Variants in TMPRSS4 observed in about 807,000 individuals in gnomAD.
The protein encoded by TMPRSS4 is transmembrane serine protease 4, also known as transmembrane protease serine 4.
A neutral mutation model predicts 56.4 loss-of-function variants in TMPRSS4; 45 were observed. That is an observed-to-expected ratio of 0.80 (90% confidence interval 0.63 to 1.02). The LOEUF is 1.02. TMPRSS4 is among the 50% of genes least tolerant of loss of function. The probability of loss-of-function intolerance (pLI) is 0.00; values close to 1 mark genes in which losing one functional copy is unlikely to be tolerated. For missense variants in TMPRSS4, 546 were observed against 556.7 expected (o/e 0.98, Z 0.19); for synonymous variants, 205 against 211.0 (o/e 0.97, Z 0.25).
rs781111495 is a variant in TMPRSS4 at position 118,104,777 on chromosome 11, G to C, written c.397G>C (p.Glu133Gln). ...WFSACFDNFT[E>Q]ALAETACRQM... ...CTCTGCCTGTTTCGACAACTTCACA[G>C]AAGCTCTCGCTGAGACAGCCTGTAG... Residue 133 changes from glutamate (E) to glutamine (Q), a missense_variant, in exon 5 of 13, where the codon GAA (glutamate) becomes CAA (glutamine). Transcript: ENST00000437212. 6.2e-7 allele frequency: 1 copy of C among 1,613,614 alleles called. No homozygotes were observed. The highest frequency in any genetic ancestry group is 8.5e-7 in the Non-Finnish European group (1 of 1,179,838).
At chr11:118,078,013 C>CAAAAAAAAAA (rs148383275) in intron 1 of TMPRSS4, among the ~76,000 whole-genome samples, 14 of 71,036 alleles carry the variant, frequency 2.0e-4, no homozygotes, top group African/African-American at 5.5e-4. Flanking sequence ...AACTCCGTCT[C>CAAAAAAAAAA]AAAAAAAAAA....
chr11:118,103,539 G>C (rs542951320), intron 4 of TMPRSS4, among the ~76,000 whole-genome samples: 1 of 152,068 alleles, frequency 6.6e-6, no homozygotes, highest in African/African-American at 2.4e-5. Flanking sequence ...CAGCCACCAC[G>C]CCTGGCTAAT....
In TMPRSS4 at chr11:118,104,758, C is replaced by G; in HGVS notation, c.378C>G (p.Ala126=). The G allele has an allele frequency of 6.2e-7, 1 of 1,614,146 alleles. No individual in the cohort carries two copies. ...LDSATGNWFS[A]CFDNFTEALA... ...CGGCCACAGGGAACTGGTTCTCTGC[C>G]TGTTTCGACAACTTCACAGAAGCTC... is the stretch of plus-strand genomic sequence containing the variant. Residue 126 remains alanine (A), a synonymous_variant, in exon 5 of 13, where the codon GCC becomes GCG. Coordinates refer to ENST00000437212, the MANE Select transcript of TMPRSS4 (RefSeq NM_019894.4).
At chr11:118,103,388 G>GTTTGTTTGTTTA (rs1946829257) in intron 4 of TMPRSS4, 135 bp downstream of exon 4, 1 of 1,132,352 alleles carries the variant, frequency 8.8e-7, no homozygotes, top group Admixed American at 2.9e-5. Context: ...TTGTTTGTTT[G>GTTTGTTTGTTTA]TTTGTTGTTG....
chr11:118,086,635 T>G (rs1945578674), intron 1 of TMPRSS4: 1 of 152,824 alleles, frequency 6.5e-6, no homozygotes, highest in Admixed American at 6.5e-5. Flanking sequence ...ATCAGTCATC[T>G]CTGAGGACCT....
In TMPRSS4 at chr11:118,120,666, A is replaced by C. The variant is rs12222838; in HGVS notation, c.*2753A>C. 6.6e-6 allele frequency: 1 copy of C among 152,196 alleles called. No individual in the cohort carries two copies. The highest frequency in any genetic ancestry group is 1.5e-5 in the Non-Finnish European group (1 of 68,050). 9.4% of individuals were successfully genotyped at this position (152,196 alleles called of 1,614,324 possible). On this transcript the variant is annotated 3_prime_UTR_variant, in exon 13 of 13. Coordinates refer to ENST00000437212, the MANE Select transcript of TMPRSS4 (RefSeq NM_019894.4). ...AATGAACTGGAAGATAAATTGAAGA[A>C]GTGACTAGGCTTAACAGCAGAGAGA...
At position 118,077,146 on chromosome 11, in the gene TMPRSS4, A is replaced by T. The variant is rs1234842813; in HGVS notation, c.-157A>T. ...CAAGGATGCTGGGCGTGAGGGACCA[A>T]GGCCTGCCCTGCACTCGGGCCTCCT... On this transcript the variant is annotated 5_prime_UTR_variant, in exon 1 of 13. In the 5' UTR this introduces an upstream ATG that the reference lacks. Coordinates refer to ENST00000437212, the MANE Select transcript of TMPRSS4 (RefSeq NM_019894.4). 6 of 773,414 alleles carry T rather than the reference A, an allele frequency of 7.8e-6. No homozygotes were observed. Among genetic ancestry groups the T allele is most frequent in the Non-Finnish European group, 1.2e-5 (6 of 495,088 alleles). 47.9% of individuals were successfully genotyped at this position (773,414 alleles called of 1,614,324 possible).
rs777965921 is a variant in TMPRSS4 at position 118,113,279 on chromosome 11, G to A, written c.754G>A (p.Asp252Asn). The A allele has an allele frequency of 6.2e-6, 10 of 1,613,784 alleles. No homozygotes were observed. Among genetic ancestry groups the A allele is most frequent in the East Asian group, 2.2e-5 (1 of 44,854 alleles). Residue 252 changes from aspartate (D) to asparagine (N), a missense_variant, in exon 9 of 13, where the codon GAT becomes AAT. Physicochemically the swap from Asp to Asn is conservative, Grantham distance 23. Transcript: ENST00000437212. ...TGTCTCTACCCCCAGGAAACATACC[G>A]ATGTGTTCAACTGGAAGGTGCGGGC... Reference protein sequence around the residue: ...TAAHCFRKHTDVFNWKVRAGS... With the variant: ...TAAHCFRKHTNVFNWKVRAGS...
rs767923064 is a variant in TMPRSS4, at chr11:118,107,923, G to A, written c.542+48G>A. 5.2e-6 allele frequency: 8 copies of A among 1,537,188 alleles called. No individual in the cohort carries two copies. In the East Asian group the frequency reaches 6.9e-5, roughly 13 times the overall value. Reference sequence around the variant, plus strand: ...GCCTACAGAAGGCCCCCACATGGACGCTGCTCTTCAGGTTGCAACCAGCTC... The same window carrying A: ...GCCTACAGAAGGCCCCCACATGGACACTGCTCTTCAGGTTGCAACCAGCTC... On this transcript the variant is annotated intron_variant, in intron 6 of 12. Transcript: ENST00000437212.
intron 9 of TMPRSS4, among the ~76,000 whole-genome samples, chr11:118,114,158 A>G (rs1277258448): frequency 6.6e-6 from 1 of 152,210 alleles, no homozygotes; most frequent in Non-Finnish European, 1.5e-5. Context: ...TTAGCATCCC[A>G]TAGAACAAGT....
chr11:118,122,284 C>T (rs753125459), downstream of TMPRSS4, among the ~76,000 whole-genome samples: 3 of 152,094 alleles, frequency 2.0e-5, no homozygotes, highest in Non-Finnish European at 4.4e-5. Context: ...TTGTAACAGA[C>T]ATACACAAAA....
At chr11:118,082,270 T>C (rs1945192405) in intron 1 of TMPRSS4, among the ~76,000 whole-genome samples, 3 of 152,126 alleles carry the variant, frequency 2.0e-5, no homozygotes, top group Admixed American at 2.0e-4. Flanking sequence ...GATGAAGAAA[T>C]TGAGGCTCAG....
chr11:118,111,169 A>T (rs888098084), intron 7 of TMPRSS4, among the ~76,000 whole-genome samples: 2 of 152,140 alleles, frequency 1.3e-5, no homozygotes, highest in African/African-American at 2.4e-5. Context: ...AAGGCAGAGC[A>T]TGGGTGGAGA....
intron 1 of TMPRSS4, among the ~76,000 whole-genome samples, chr11:118,087,275 A>G (rs1325988522): frequency 3.3e-5 from 5 of 152,124 alleles, no homozygotes; most frequent in Admixed American, 3.3e-4. Context: ...AGTCAATGCC[A>G]AGTCAGCATT....
intron 3 of TMPRSS4, among the ~76,000 whole-genome samples, chr11:118,102,608 C>T (rs1019609864): frequency 5.3e-5 from 8 of 152,156 alleles, no homozygotes; most frequent in African/African-American, 1.9e-4. Flanking sequence ...ACTCAGGAGG[C>T]TGAGGCAGGA....
chr11:118,116,731 T>TTTTTA, intron 11 of TMPRSS4, among the ~76,000 whole-genome samples: 1 of 150,576 alleles, frequency 6.6e-6, no homozygotes. Context: ...TTTTTTTTTT[T>TTTTTA]GAGACTGAGT....
chr11:118,115,113 A>G (rs769371911), intron 10 of TMPRSS4, 25 bp from the exon 11 acceptor site: 68 of 1,604,240 alleles, frequency 4.2e-5, no homozygotes, highest in Non-Finnish European at 5.4e-5. Flanking sequence ...CAAGGATGGG[A>G]ATGTGAGTGT....
rs1482217156 is a variant in TMPRSS4, at chr11:118,118,323, G to GC, written c.*412dup. ...CCTGTCCGTCTTCACCCATCCCCAA[G>GC]CCTACTAGAGCAAGAAACCAGTTGT... On this transcript the variant is annotated 3_prime_UTR_variant, in exon 13 of 13. Coordinates refer to ENST00000437212, the MANE Select transcript of TMPRSS4 (RefSeq NM_019894.4). 9.4e-7 allele frequency: 1 copy of GC among 1,060,438 alleles called. No individual in the cohort carries two copies. The highest frequency in any genetic ancestry group is 1.1e-6 in the Non-Finnish European group (1 of 878,984). 65.7% of individuals were successfully genotyped at this position (1,060,438 alleles called of 1,614,324 possible).
At chr11:118,116,227 T>C (rs1947539887) in intron 11 of TMPRSS4, among the ~76,000 whole-genome samples, 1 of 152,244 alleles carries the variant, frequency 6.6e-6, no homozygotes, top group African/African-American at 2.4e-5. Flanking sequence ...ATGCTGGGAT[T>C]ACAGGCATGA....
Sources: allele counts gnomAD v4.1 joint callset (sites outside exome capture counted in the v4.1 genomes callset), GRCh38; gene constraint gnomAD v4.1.1; transcripts MANE v1.5; gene names NCBI Gene and HGNC (gene_info 2026-07-23, HGNC 2026-07-21).